Variants in CCSER1 observed in about 807,000 individuals in gnomAD.
CCSER1 encodes the protein coiled-coil serine rich protein 1.
CCSER1 carries 41 observed loss-of-function variants against 82.0 expected under a neutral mutation model. The ratio of observed to expected loss-of-function variants is 0.50; its 90% CI spans 0.39 to 0.65. The LOEUF (loss-of-function observed/expected upper bound fraction) is 0.65. Among genes scored for constraint, CCSER1 ranks in the 30% least tolerant of loss-of-function variants. The pLI, the probability that CCSER1 is intolerant of heterozygous loss-of-function variation, is 0.00. For synonymous variants in CCSER1, 414 were observed against 383.9 expected, an observed-to-expected ratio of 1.08 and a Z score of -0.92; for missense variants, 1,119 against 1,064.2, an observed-to-expected ratio of 1.05 and a Z score of -0.72.
At chr4:90,704,990 A>G (rs1158147412) in intron 6 of CCSER1, among the ~76,000 whole-genome samples, 3 of 152,186 alleles carry the variant, frequency 2.0e-5, no homozygotes, top group Admixed American at 6.5e-5. Flanking sequence ...GTCATTCTCC[A>G]TCCAGCTTTG....
intron 6 of CCSER1, among the ~76,000 whole-genome samples, chr4:90,641,190 A>G (rs886415577): frequency 6.6e-6 from 1 of 152,174 alleles, no homozygotes; most frequent in African/African-American, 2.4e-5. Flanking sequence ...CCCACAAAAA[A>G]TATTTTGAGT....
At chr4:91,088,922 C>T (rs1003520426) in intron 10 of CCSER1, among the ~76,000 whole-genome samples, 1 of 151,626 alleles carries the variant, frequency 6.6e-6, no homozygotes, top group African/African-American at 2.4e-5. Context: ...CTTTAAAATA[C>T]CTTTGTTATT....
At chr4:90,788,228 A>G (rs1215865639) in intron 7 of CCSER1, among the ~76,000 whole-genome samples, 1 of 151,966 alleles carries the variant, frequency 6.6e-6, no homozygotes, top group Non-Finnish European at 1.5e-5. Flanking sequence ...TTCTTTTTTC[A>G]TTTATCAGTT....
At chr4:90,417,094 T>C (rs967032277) in intron 4 of CCSER1, among the ~76,000 whole-genome samples, 2 of 152,160 alleles carry the variant, frequency 1.3e-5, no homozygotes, top group African/African-American at 4.8e-5. Flanking sequence ...AAATACCTAA[T>C]GCATTCAGGG....
At chr4:90,505,952 CT>C (rs903960300) in intron 5 of CCSER1, among the ~76,000 whole-genome samples, 1 of 152,148 alleles carries the variant, frequency 6.6e-6, no homozygotes, top group Non-Finnish European at 1.5e-5. Flanking sequence ...ATTTCTCCCC[CT>C]CTCTCCTTCC....
At chr4:91,503,646 G>A (rs573958421) in intron 10 of CCSER1, among the ~76,000 whole-genome samples, 47 of 152,028 alleles carry the variant, frequency 3.1e-4, no homozygotes, top group East Asian at 5.8e-4. Context: ...TCATAAGCCC[G>A]GAACACAAAG....
At chr4:90,784,063 C>A (rs1754160089) in intron 7 of CCSER1, among the ~76,000 whole-genome samples, 1 of 152,158 alleles carries the variant, frequency 6.6e-6, no homozygotes, top group South Asian at 2.1e-4. Context: ...GTTGTCATTA[C>A]ATTTATTTAT....
intron 5 of CCSER1, among the ~76,000 whole-genome samples, chr4:90,516,812 C>T (rs527425605): frequency 3.1e-4 from 47 of 152,088 alleles, no homozygotes; most frequent in Admixed American, 4.6e-4. Flanking sequence ...TTATTTTAGG[C>T]AAAATGGGGA....
chr4:91,387,948 A>G (rs139876788), intron 10 of CCSER1, among the ~76,000 whole-genome samples: 1 of 152,262 alleles, frequency 6.6e-6, no homozygotes, highest in African/African-American at 2.4e-5. Flanking sequence ...AAAAAATGTT[A>G]CTTGCAGTAT....
chr4:91,312,257 T>C (rs1043616107), intron 10 of CCSER1, among the ~76,000 whole-genome samples: 9 of 151,724 alleles, frequency 5.9e-5, no homozygotes, highest in Non-Finnish European at 4.4e-5. Flanking sequence ...TAATATGAAT[T>C]TCCACAGGCA....
At chr4:91,196,178 CAAA>C (rs61336014) in intron 10 of CCSER1, among the ~76,000 whole-genome samples, 3 of 60,830 alleles carry the variant, frequency 4.9e-5, no homozygotes, top group Non-Finnish European at 4.3e-5. Flanking sequence ...AACAGCGAGA[CAAA>C]AAAAAAAAAA....
chr4:91,233,838 T>G (rs1738801005), intron 10 of CCSER1, among the ~76,000 whole-genome samples: 1 of 151,884 alleles, frequency 6.6e-6, no homozygotes, highest in Non-Finnish European at 1.5e-5. Flanking sequence ...ATGTGACATT[T>G]GGCAACTACA....
At chr4:90,329,352 T>A (rs1579216010) in intron 3 of CCSER1, among the ~76,000 whole-genome samples, 1 of 152,320 alleles carries the variant, frequency 6.6e-6, no homozygotes, top group African/African-American at 2.4e-5. Flanking sequence ...TGAAAAGGCT[T>A]TGTAAGATTT....
At chr4:91,326,839 A>G (rs1344540351) in intron 10 of CCSER1, among the ~76,000 whole-genome samples, 1 of 152,132 alleles carries the variant, frequency 6.6e-6, no homozygotes, top group African/African-American at 2.4e-5. Context: ...TGCAGGCCCC[A>G]CCCAAGTCCA....
chr4:90,851,309 C>T (rs1469079855), intron 8 of CCSER1, among the ~76,000 whole-genome samples: 3 of 152,096 alleles, frequency 2.0e-5, no homozygotes, highest in Non-Finnish European at 4.4e-5. Flanking sequence ...CACAAAAGAA[C>T]TCTACAGGCA....
intron 10 of CCSER1, among the ~76,000 whole-genome samples, chr4:91,126,511 A>T (rs971934304): frequency 6.6e-6 from 1 of 151,998 alleles, no homozygotes; most frequent in Non-Finnish European, 1.5e-5. Context: ...CAGCTTATTT[A>T]TCATAAAATA....
intron 10 of CCSER1, among the ~76,000 whole-genome samples, chr4:91,229,907 T>A (rs574886114): frequency 8.6e-5 from 13 of 152,018 alleles, no homozygotes; most frequent in East Asian, 1.9e-4. Flanking sequence ...GCCTAGATGA[T>A]TGGTTGACAG....
intron 2 of CCSER1, among the ~76,000 whole-genome samples, chr4:90,310,391 T>C (rs940444230): frequency 6.6e-6 from 1 of 152,096 alleles, no homozygotes; most frequent in Admixed American, 6.6e-5. Flanking sequence ...AATTCCTTTT[T>C]CTCTACTATC....
At chr4:90,776,293 T>C (rs1283716657) in intron 7 of CCSER1, among the ~76,000 whole-genome samples, 1 of 152,208 alleles carries the variant, frequency 6.6e-6, no homozygotes, top group Non-Finnish European at 1.5e-5. Context: ...TCATAGTTAC[T>C]AAAAGACAAG....
Sources: allele counts gnomAD v4.1 joint callset (sites outside exome capture counted in the v4.1 genomes callset), GRCh38; gene constraint gnomAD v4.1.1; transcripts MANE v1.5; gene names NCBI Gene and HGNC (gene_info 2026-07-23, HGNC 2026-07-21).